Variants in THSD7B observed in about 807,000 individuals in gnomAD.
The protein encoded by THSD7B is thrombospondin type 1 domain containing 7B.
Under a neutral mutation model 213.6 loss-of-function variants are expected in THSD7B, and 138 were observed. That is an observed-to-expected ratio of 0.65 (90% CI 0.56 to 0.74). The LOEUF (loss-of-function observed/expected upper bound fraction) is 0.74, where lower values mean the gene tolerates loss of function less well. THSD7B is among the 30% of genes least tolerant of loss of function. The pLI is 0.00. For synonymous variants in THSD7B, 742 were observed against 687.0 expected (o/e 1.08, Z -1.25); for missense variants, 1,931 against 1,991.5 (o/e 0.97, Z 0.58).
At chr2:137,030,587 C>A (rs1238249835) in intron 2 of THSD7B, among the ~76,000 whole-genome samples, 1 of 152,106 alleles carries the variant, frequency 6.6e-6, no homozygotes. Context: ...TCAATAAAAG[C>A]TAGGCTGTAG....
intron 10 of THSD7B, among the ~76,000 whole-genome samples, chr2:137,246,676 A>G (rs1682046816): frequency 1.3e-5 from 2 of 152,206 alleles, no homozygotes; most frequent in African/African-American, 4.8e-5. Flanking sequence ...TAAGCAAACC[A>G]AAGGTCTATC....
At chr2:137,050,739 G>GT (rs1687056483) in intron 2 of THSD7B, among the ~76,000 whole-genome samples, 3 of 151,954 alleles carry the variant, frequency 2.0e-5, no homozygotes, top group Non-Finnish European at 2.9e-5. Context: ...TACCATGAAT[G>GT]TTTTTTATTT....
intron 1 of THSD7B, among the ~76,000 whole-genome samples, chr2:136,786,629 A>AT (rs1400993963): frequency 6.6e-6 from 1 of 152,160 alleles, no homozygotes; most frequent in Non-Finnish European, 1.5e-5. Context: ...TTCACTGGCC[A>AT]TTTTGTATAA....
intron 2 of THSD7B, among the ~76,000 whole-genome samples, chr2:136,927,611 A>C (rs1414878821): frequency 6.6e-6 from 1 of 152,224 alleles, no homozygotes; most frequent in African/African-American, 2.4e-5. Context: ...TTGAGTTAGC[A>C]TTTCTGAGGA....
rs1312642087 is a variant in THSD7B at position 137,614,460 on chromosome 2, A to G, written c.3424-1715A>G. On this transcript the variant is annotated intron_variant, in intron 17 of 27. Coordinates refer to ENST00000409968, the MANE Select transcript of THSD7B (RefSeq NM_001316349.2). Reference sequence around the variant, plus strand: ...TTACATGTATTCACTTGTTTCAGACATTAATTGATTACTTTATAAGATAGA... The same window carrying G: ...TTACATGTATTCACTTGTTTCAGACGTTAATTGATTACTTTATAAGATAGA... Among the ~76,000 whole-genome samples the G allele has an allele frequency of 5.3e-4, 80 of 152,152 alleles. 1 individual carries two copies. Among genetic ancestry groups the G allele is most frequent in the Non-Finnish European group, 2.9e-5 (2 of 68,010 alleles).
At chr2:137,649,126 T>A (rs1683092001) in intron 21 of THSD7B, among the ~76,000 whole-genome samples, 1 of 151,976 alleles carries the variant, frequency 6.6e-6, no homozygotes, top group South Asian at 2.1e-4. Flanking sequence ...TATTTGGGGG[T>A]TTTTTGCTGT....
intron 7 of THSD7B, among the ~76,000 whole-genome samples, chr2:137,229,289 G>C (rs1365972483): frequency 6.6e-6 from 1 of 152,196 alleles, no homozygotes; most frequent in East Asian, 1.9e-4. Flanking sequence ...ATTTTGATTA[G>C]ATGTAGGTTG....
chr2:137,579,368 T>C (rs545493385), intron 17 of THSD7B, among the ~76,000 whole-genome samples: 23 of 152,302 alleles, frequency 1.5e-4, no homozygotes, highest in South Asian at 1.4e-3. Context: ...TTGGTCCTTC[T>C]TGGGTATAAA....
At chr2:137,367,689 G>C (rs966212015) in intron 12 of THSD7B, among the ~76,000 whole-genome samples, 3 of 152,120 alleles carry the variant, frequency 2.0e-5, no homozygotes, top group African/African-American at 7.2e-5. Flanking sequence ...CTGGAGGCTG[G>C]AAGTCTGAGG....
At chr2:136,969,593 GT>G (rs543142446) in intron 2 of THSD7B, among the ~76,000 whole-genome samples, 14 of 151,910 alleles carry the variant, frequency 9.2e-5, no homozygotes, top group Non-Finnish European at 1.8e-4. Context: ...AATTATGAGG[GT>G]TTTTTTGCAA....
Position 137,405,677 on chromosome 2 carries a change from C to T in THSD7B, c.2565C>T (p.Asn855=), listed in dbSNP as rs1260416325. 6.2e-6 allele frequency: 10 copies of T among 1,613,574 alleles called. No homozygotes were observed. Among genetic ancestry groups the T allele is most frequent in the South Asian group, 1.1e-5 (1 of 91,048 alleles). ...AEMMECLKQT[N]GMPLLVQECT... is the part of the protein sequence containing the mutation. ...TGATGGAATGCCTCAAGCAGACAAA[C>T]GGCATGCCTCTCCTTGTGCAAGAAT... The change falls in exon 13 of 28, where the codon AAC becomes AAT. Residue 855 remains asparagine, a synonymous_variant. Coordinates refer to ENST00000409968, the MANE Select transcript of THSD7B (RefSeq NM_001316349.2).
At chr2:137,351,289 A>C (rs2104921345) in intron 12 of THSD7B, among the ~76,000 whole-genome samples, 1 of 152,122 alleles carries the variant, frequency 6.6e-6, no homozygotes, top group Non-Finnish European at 1.5e-5. Context: ...GATATGCAAG[A>C]TAAGCTTAAC....
chr2:137,192,972 ATGTGTATG>A (rs548057314), intron 7 of THSD7B, among the ~76,000 whole-genome samples: 50 of 151,980 alleles, frequency 3.3e-4, no homozygotes, highest in South Asian at 2.1e-3. Context: ...GTGTGTGCGT[ATGTGTATG>A]TGTGTATGTG....
chr2:136,880,708 G>C (rs756650935), intron 1 of THSD7B, among the ~76,000 whole-genome samples: 6 of 151,984 alleles, frequency 3.9e-5, no homozygotes, highest in Non-Finnish European at 7.4e-5. Flanking sequence ...TTTAAATCCA[G>C]AAGCAATTTC....
intron 2 of THSD7B, among the ~76,000 whole-genome samples, chr2:136,927,902 C>T (rs1313581089): frequency 6.6e-6 from 1 of 152,172 alleles, no homozygotes; most frequent in Non-Finnish European, 1.5e-5. Context: ...CTTATAAAGA[C>T]ACTTTCAATT....
At chr2:137,466,305 C>T (rs1271671276) in intron 15 of THSD7B, among the ~76,000 whole-genome samples, 2 of 152,256 alleles carry the variant, frequency 1.3e-5, no homozygotes, top group Middle Eastern at 3.4e-3. Flanking sequence ...TACTCTACTG[C>T]TCAATGAGTT....
At chr2:137,049,535 A>T (rs1687030389) in intron 2 of THSD7B, among the ~76,000 whole-genome samples, 1 of 152,234 alleles carries the variant, frequency 6.6e-6, no homozygotes, top group Admixed American at 6.5e-5. Context: ...AAACAAAAAC[A>T]GAAATAATAA....
intron 12 of THSD7B, among the ~76,000 whole-genome samples, chr2:137,331,935 T>G (rs12613136): frequency 0.24 from 36,287 of 151,940 alleles, 4,852 homozygotes; most frequent in South Asian, 0.3. Context: ...CCACCCGGAA[T>G]TCCAGCTGGC....
intron 12 of THSD7B, among the ~76,000 whole-genome samples, chr2:137,318,528 GC>G (rs910889923): frequency 1.2e-4 from 18 of 151,800 alleles, no homozygotes; most frequent in Middle Eastern, 6.8e-3. Flanking sequence ...TCACTCCCCC[GC>G]CCCCATCCAA....
Sources: allele counts gnomAD v4.1 joint callset (sites outside exome capture counted in the v4.1 genomes callset), GRCh38; gene constraint gnomAD v4.1.1; transcripts MANE v1.5; gene names NCBI Gene and HGNC (gene_info 2026-07-23, HGNC 2026-07-21).